The following SERPINE2 variants were observed in gnomAD, a reference collection of about 807,000 sequenced individuals.
SERPINE2 encodes serpin family E member 2.
SERPINE2 carries 14 observed loss-of-function variants against 36.3 expected under a neutral mutation model. That is an observed-to-expected ratio of 0.39 (90% CI 0.25 to 0.60). SERPINE2 has a LOEUF of 0.60. Among genes scored for constraint, SERPINE2 ranks in the 20% least tolerant of loss-of-function variants. SERPINE2 has a pLI of 0.57. For missense variants in SERPINE2, 418 were observed against 499.6 expected, an observed-to-expected ratio of 0.84 and a Z score of 1.56; for synonymous variants, 192 against 191.8, an observed-to-expected ratio of 1.00 and a Z score of -0.01.
In SERPINE2 at chr2:223,991,900, C is replaced by T. The variant is rs1229721438; in HGVS notation, c.588G>A (p.Arg196=). ...GTTTCTTTGTGTTCTCGGGTTGGAA[C>T]CGTGATTTCCACAGACCCTTGAAAT... ...AVYFKGLWKS[R]FQPENTKKRT... Residue 196 remains arginine (R), a synonymous_variant, in exon 4 of 9, where the codon CGG becomes CGA. Transcript: ENST00000409304. 4.3e-6 allele frequency: 7 copies of T among 1,612,844 alleles called. No homozygotes were observed. Among genetic ancestry groups the T allele is most frequent in the Non-Finnish European group, 5.9e-6 (7 of 1,179,504 alleles).
At chr2:223,987,207 A>C (rs146547644) in intron 4 of SERPINE2, among the ~76,000 whole-genome samples, 1 of 152,186 alleles carries the variant, frequency 6.6e-6, no homozygotes, top group East Asian at 1.9e-4. Flanking sequence ...CAACACATAC[A>C]AAGTGCTCAG....
At chr2:224,029,420 T>C (rs960180777) in intron 1 of SERPINE2, among the ~76,000 whole-genome samples, 2 of 152,238 alleles carry the variant, frequency 1.3e-5, no homozygotes, top group Non-Finnish European at 2.9e-5. Context: ...ACACATTTCC[T>C]ATCTGGGAAT....
At chr2:224,025,792 A>G (rs1255728481) in intron 1 of SERPINE2, among the ~76,000 whole-genome samples, 1 of 152,236 alleles carries the variant, frequency 6.6e-6, no homozygotes, top group African/African-American at 2.4e-5. Flanking sequence ...AGCCCTTCAG[A>G]GTGACCAAGA....
chr2:223,992,486 T>A (rs530281480), intron 3 of SERPINE2, among the ~76,000 whole-genome samples: 89 of 87,916 alleles, frequency 1.0e-3, no homozygotes, highest in African/African-American at 2.6e-3. Flanking sequence ...TCAGCCTGTA[T>A]GTTATTAAGG....
At chr2:224,024,850 A>G (rs1692131158) in intron 1 of SERPINE2, among the ~76,000 whole-genome samples, 1 of 152,120 alleles carries the variant, frequency 6.6e-6, no homozygotes, top group African/African-American at 2.4e-5. Flanking sequence ...GCTTTATCTA[A>G]CCTCTGGTAT....
At chr2:224,005,922 G>C (rs1308431104) in intron 1 of SERPINE2, among the ~76,000 whole-genome samples, 10 of 152,264 alleles carry the variant, frequency 6.6e-5, no homozygotes, top group African/African-American at 2.4e-4. Flanking sequence ...CCAAATGCCA[G>C]GTATCTCCTT....
Position 223,991,517 on chromosome 2 carries a change from CATCTTT to C in SERPINE2, c.685+280_685+285del, listed in dbSNP as rs1215387456. On this transcript the variant is annotated intron_variant, in intron 4 of 8. Coordinates refer to ENST00000409304, the MANE Select transcript of SERPINE2 (RefSeq NM_001136528.2). Reference sequence around the variant, plus strand: ...ATACTCATTTCATGAATTGTCCTTTCATCTTTAAGTTTTCAACCAAAAAGCCTACTA... The same window carrying C: ...ATACTCATTTCATGAATTGTCCTTTCAAGTTTTCAACCAAAAAGCCTACTA... 5.9e-5 allele frequency among the ~76,000 whole-genome samples: 9 copies of C among 152,184 alleles called. No individual in the cohort carries two copies. In the East Asian group the frequency reaches 1.2e-3, roughly 20 times the overall value.
Position 224,008,572 on chromosome 2 carries a change from G to A in SERPINE2, c.-22-6650C>T, listed in dbSNP as rs142578613. On this transcript the variant is annotated intron_variant, in intron 1 of 8. Coordinates refer to ENST00000409304, the MANE Select transcript of SERPINE2 (RefSeq NM_001136528.2). ...GCTCAAAATGAGCCTCTTCACACTCGTTCTTAAACCTTCTGATACAACCCT... is the reference window on the plus strand; with the variant it reads ...GCTCAAAATGAGCCTCTTCACACTCATTCTTAAACCTTCTGATACAACCCT... 1.9e-3 allele frequency among the ~76,000 whole-genome samples: 293 copies of A among 152,192 alleles called. 2 individuals carry two copies. Among genetic ancestry groups the A allele is most frequent in the African/African-American group, 6.4e-3 (267 of 41,518 alleles).
chr2:223,993,578 A>T (rs866322337), intron 3 of SERPINE2, among the ~76,000 whole-genome samples: 45 of 150,524 alleles, frequency 3.0e-4, no homozygotes, highest in African/African-American at 1.0e-3. Context: ...ATGTGTATAA[A>T]TACATAATAT....
intron 1 of SERPINE2, among the ~76,000 whole-genome samples, chr2:224,033,318 T>C (rs114657897): frequency 0.03 from 4,551 of 152,278 alleles, 181 homozygotes; most frequent in African/African-American, 0.089. Flanking sequence ...TGGCCCATGA[T>C]GCTGTTTCTG....
chr2:224,014,792 G>A (rs993166953), intron 1 of SERPINE2, among the ~76,000 whole-genome samples: 8 of 152,170 alleles, frequency 5.3e-5, no homozygotes, highest in Non-Finnish European at 1.0e-4. Context: ...TATTAAGTTG[G>A]TTTATCCCTT....
At chr2:224,031,199 A>G in intron 1 of SERPINE2, 3 of 985,448 alleles carry the variant, frequency 3.0e-6, no homozygotes, top group Non-Finnish European at 3.6e-6. Flanking sequence ...GCACTGACAC[A>G]TAAAGGCTGT....
At chr2:224,007,755 C>T (rs973347546) in intron 1 of SERPINE2, among the ~76,000 whole-genome samples, 1 of 152,076 alleles carries the variant, frequency 6.6e-6, no homozygotes, top group African/African-American at 2.4e-5. Context: ...CCACTAGTTG[C>T]TTCATTTTTA....
intron 1 of SERPINE2, among the ~76,000 whole-genome samples, chr2:224,033,928 T>C (rs571958379): frequency 6.6e-6 from 1 of 152,274 alleles, no homozygotes; most frequent in African/African-American, 2.4e-5. Flanking sequence ...TAATCAAAAA[T>C]TTAAAATGTC....
intron 1 of SERPINE2, among the ~76,000 whole-genome samples, chr2:224,035,952 A>T (rs1397193147): frequency 6.6e-6 from 1 of 151,708 alleles, no homozygotes; most frequent in Non-Finnish European, 1.5e-5. Flanking sequence ...TCACCGTGAG[A>T]CCCCTGCTCC....
At chr2:224,028,946 A>C (rs1197435245) in intron 1 of SERPINE2, among the ~76,000 whole-genome samples, 1 of 152,118 alleles carries the variant, frequency 6.6e-6, no homozygotes, top group Non-Finnish European at 1.5e-5. Flanking sequence ...TACTTGCCCC[A>C]CTCGTAGAAA....
chr2:223,985,080 C>T lies in SERPINE2; in HGVS notation c.686-130G>A, dbSNP rs1690375575. ...AACTTCCCTTTTCCACAAATAGCTT[C>T]CTTAGAAGGACAAAGACAAGGACAA... On this transcript the variant is annotated intron_variant, in intron 4 of 8. Coordinates refer to ENST00000409304, the MANE Select transcript of SERPINE2 (RefSeq NM_001136528.2). 3 of 695,700 alleles carry T rather than the reference C, an allele frequency of 4.3e-6. 1 individual carries two copies. The highest frequency in any genetic ancestry group is 5.5e-4 in the Middle Eastern group (2 of 3,616). The allele number at this position is 695,700 out of a possible 1,614,324, so 43.1% of individuals were successfully genotyped here.
intron 1 of SERPINE2, chr2:224,031,621 G>C (rs936193298): frequency 4.8e-6 from 2 of 417,342 alleles, no homozygotes; most frequent in Non-Finnish European, 6.4e-6. Flanking sequence ...CATTGGTATC[G>C]GGACGAGCAT....
At chr2:224,021,413 G>C (rs936964396) in intron 1 of SERPINE2, among the ~76,000 whole-genome samples, 3 of 152,202 alleles carry the variant, frequency 2.0e-5, no homozygotes, top group Admixed American at 1.3e-4. Flanking sequence ...AAGCACAAGA[G>C]TAGAAGCTTC....
Sources: allele counts gnomAD v4.1 joint callset (sites outside exome capture counted in the v4.1 genomes callset), GRCh38; gene constraint gnomAD v4.1.1; transcripts MANE v1.5; gene names NCBI Gene and HGNC (gene_info 2026-07-23, HGNC 2026-07-21).